DPYD: variants seen among roughly 807,000 people sequenced by gnomAD.
The protein encoded by DPYD is dihydropyrimidine dehydrogenase [NADP(+)].
DPYD carries 109 observed loss-of-function variants against 116.2 expected under a neutral mutation model. The observed-to-expected ratio is 0.94, with a 90% CI of 0.80 to 1.10. DPYD has a LOEUF of 1.10. Ranked by LOEUF, DPYD falls within the 50% of genes least tolerant of loss-of-function variation. DPYD has a pLI of 0.00. For missense variants in DPYD, 1,302 were observed against 1,254.5 expected (o/e 1.04, Z -0.57); for synonymous variants, 440 against 432.0 (o/e 1.02, Z -0.23).
At chr1:97,835,124 A>G (rs1458754122) in intron 2 of DPYD, among the ~76,000 whole-genome samples, 1 of 152,052 alleles carries the variant, frequency 6.6e-6, no homozygotes, top group African/African-American at 2.4e-5. Flanking sequence ...ATCTTATATG[A>G]GTCACAGTGA....
intron 20 of DPYD, among the ~76,000 whole-genome samples, chr1:97,161,625 G>A (rs1453340714): frequency 6.6e-6 from 1 of 150,932 alleles, no homozygotes; most frequent in Non-Finnish European, 1.5e-5. Flanking sequence ...CAATGTACAG[G>A]TTAGTTACAT....
At chr1:97,574,349 C>A (rs80098619) in intron 10 of DPYD, among the ~76,000 whole-genome samples, 6,018 of 152,032 alleles carry the variant, frequency 0.04, 187 homozygotes, top group Admixed American at 0.11. Flanking sequence ...ATAAATACTT[C>A]TGTTTATTAC....
chr1:97,199,288 G>A (rs758094100), intron 19 of DPYD, among the ~76,000 whole-genome samples: 35 of 152,060 alleles, frequency 2.3e-4, no homozygotes, highest in Non-Finnish European at 4.4e-4. Context: ...AGTCAATCTT[G>A]TGGTTTCTAT....
chr1:97,809,985 A>G (rs1668267025), intron 3 of DPYD, among the ~76,000 whole-genome samples: 1 of 152,056 alleles, frequency 6.6e-6, no homozygotes, highest in South Asian at 2.1e-4. Flanking sequence ...CAGAAGAGAA[A>G]GGTAAAATAA....
chr1:97,332,227 G>T lies in DPYD; in HGVS notation c.2059-25930C>A, dbSNP rs548188102. On this transcript the variant is annotated intron_variant, in intron 16 of 22. Transcript: ENST00000370192. ...GGCACACATCCTGTCTATTCCTGTA[G>T]TCTCTGAGCTAGTTCTGCTTCTGTT... Among the ~76,000 whole-genome samples the T allele has an allele frequency of 2.6e-5, 4 of 152,266 alleles. No individual in the cohort carries two copies. The South Asian group carries it at 8.3e-4, about 32-fold the overall frequency.
intron 19 of DPYD, among the ~76,000 whole-genome samples, chr1:97,227,071 T>C (rs1270637262): frequency 6.6e-6 from 1 of 152,030 alleles, no homozygotes; most frequent in Non-Finnish European, 1.5e-5. Flanking sequence ...CTCACTCCTT[T>C]AATCCCAGTC....
chr1:97,546,644 T>G (rs1238398317), intron 12 of DPYD: 5 of 1,612,624 alleles, frequency 3.1e-6, no homozygotes, highest in Non-Finnish European at 3.4e-6. Context: ...TGGCTTTACA[T>G]TGCAGATAGG....
intron 8 of DPYD, among the ~76,000 whole-genome samples, chr1:97,602,320 G>A (rs372288305): frequency 9.9e-5 from 15 of 151,808 alleles, no homozygotes; most frequent in South Asian, 2.1e-4. Flanking sequence ...AAATTCTATC[G>A]TGCCAATGTA....
chr1:97,197,927 A>G (rs2101836688), intron 19 of DPYD, among the ~76,000 whole-genome samples: 1 of 152,298 alleles, frequency 6.6e-6, no homozygotes, highest in Admixed American at 6.5e-5. Flanking sequence ...GGACCACTTC[A>G]GATATACTTA....
intron 20 of DPYD, among the ~76,000 whole-genome samples, chr1:97,177,853 C>G (rs1005907361): frequency 6.6e-6 from 1 of 152,096 alleles, no homozygotes; most frequent in Non-Finnish European, 1.5e-5. Flanking sequence ...TCTCACCATT[C>G]TGGACGCTGG....
intron 16 of DPYD, among the ~76,000 whole-genome samples, chr1:97,342,971 A>G (rs2101245325): frequency 6.6e-6 from 1 of 152,202 alleles, no homozygotes; most frequent in Non-Finnish European, 1.5e-5. Context: ...CATCTCCTGT[A>G]TTTGACTTAA....
At position 97,867,129 on chromosome 1, in the gene DPYD, A is replaced by G. The variant is rs183371415; in HGVS notation, c.150+16135T>C. On this transcript the variant is annotated intron_variant, in intron 2 of 22. Transcript: ENST00000370192. Reference sequence around the variant, plus strand: ...TTAGAGTTCAATACTGTCATTAGACATGGATAACAGAGGGTCACTTTAGAG... The same window carrying G: ...TTAGAGTTCAATACTGTCATTAGACGTGGATAACAGAGGGTCACTTTAGAG... Among the ~76,000 whole-genome samples, 11 of 152,012 alleles carry G rather than the reference A, an allele frequency of 7.2e-5. No individual in the cohort carries two copies. In the East Asian group the frequency reaches 2.1e-3, roughly 30 times the overall value.
intron 10 of DPYD, among the ~76,000 whole-genome samples, chr1:97,592,345 A>C (rs1409372289): frequency 6.6e-6 from 1 of 152,158 alleles, no homozygotes; most frequent in Non-Finnish European, 1.5e-5. Context: ...CACTGGTAAG[A>C]ATGAAATGAT....
intron 18 of DPYD, 134 bp downstream of exon 18, chr1:97,305,125 A>G: frequency 7.7e-7 from 1 of 1,298,792 alleles, no homozygotes; most frequent in Non-Finnish European, 1.1e-6. Flanking sequence ...TTCTGTCATA[A>G]CTATTAGGAA....
At chr1:97,901,075 A>G (rs1268616150) in intron 1 of DPYD, among the ~76,000 whole-genome samples, 1 of 151,820 alleles carries the variant, frequency 6.6e-6, no homozygotes, top group Non-Finnish European at 1.5e-5. Flanking sequence ...ATTTGGTAAT[A>G]CCTGATGTTG....
At chr1:97,144,323 G>A (rs1654452024) in intron 20 of DPYD, among the ~76,000 whole-genome samples, 1 of 152,122 alleles carries the variant, frequency 6.6e-6, no homozygotes, top group Non-Finnish European at 1.5e-5. Flanking sequence ...AAGCTCAGAT[G>A]TAACATGAAA....
chr1:97,887,326 C>T (rs939059946), intron 1 of DPYD, among the ~76,000 whole-genome samples: 1 of 151,130 alleles, frequency 6.6e-6, no homozygotes, highest in African/African-American at 2.4e-5. Flanking sequence ...AAAAATTAGC[C>T]GGGCATGGTG....
At chr1:97,552,146 T>C (rs890124834) in intron 11 of DPYD, among the ~76,000 whole-genome samples, 9 of 152,058 alleles carry the variant, frequency 5.9e-5, no homozygotes, top group African/African-American at 2.2e-4. Context: ...CATGGGACTC[T>C]TTCAAAGCCC....
At position 97,546,359 on chromosome 1, in the gene DPYD, C is replaced by A. The variant is rs962719358; in HGVS notation, c.1524+3201G>T. On this transcript the variant is annotated intron_variant, in intron 12 of 22. Transcript: ENST00000370192. ...GCAAATGGAGTTGTTGGGAATGAAG[C>A]TGCAGTAAAGGAAGATGAAGAAGAA... The A allele has an allele frequency of 6.2e-5, 88 of 1,420,346 alleles. 1 individual carries two copies. The highest frequency in any genetic ancestry group is 4.7e-4 in the South Asian group (41 of 86,980). 88.0% of individuals were successfully genotyped at this position (1,420,346 alleles called of 1,614,324 possible).
Sources: allele counts gnomAD v4.1 joint callset (sites outside exome capture counted in the v4.1 genomes callset), GRCh38; gene constraint gnomAD v4.1.1; transcripts MANE v1.5; gene names NCBI Gene and HGNC (gene_info 2026-07-23, HGNC 2026-07-21).